USP2: variants seen among roughly 807,000 people sequenced by gnomAD.
USP2 encodes the protein ubiquitin carboxyl-terminal hydrolase 2.
Under a neutral mutation model 72.0 loss-of-function variants are expected in USP2, and 33 were observed. The ratio of observed to expected loss-of-function variants is 0.46; its 90% CI spans 0.35 to 0.61. USP2 has a LOEUF of 0.61. Ranked by LOEUF, USP2 falls within the 20% of genes least tolerant of loss-of-function variation. The pLI is 0.01. For missense variants in USP2, 691 were observed against 797.8 expected (o/e 0.87, Z 1.61); for synonymous variants, 296 against 312.5 (o/e 0.95, Z 0.56).
Position 119,358,179 on chromosome 11 carries a change from G to A in USP2, c.1311C>T (p.Pro437=). The A allele has an allele frequency of 1.2e-6, 2 of 1,614,080 alleles. No individual in the cohort carries two copies. The highest frequency in any genetic ancestry group is 1.1e-5 in the South Asian group (1 of 91,082). ...CAATGGGCAGTGAGAGGTCCCAGAA[G>A]GGGTCGAAGACCGTAGAACAGTAAC... ...DCGYCSTVFD[P]FWDLSLPIAK... The change falls in exon 8 of 13, where the codon CCC becomes CCT. Residue 437 remains proline, a synonymous_variant. Coordinates refer to ENST00000260187, the MANE Select transcript of USP2 (RefSeq NM_004205.5).
chr11:119,362,282 C>T (rs1041279129), intron 2 of USP2, among the ~76,000 whole-genome samples: 1 of 152,148 alleles, frequency 6.6e-6, no homozygotes, highest in Non-Finnish European at 1.5e-5. Flanking sequence ...AATTCTGACC[C>T]AGCAGTGAGG....
intron 1 of USP2, among the ~76,000 whole-genome samples, chr11:119,374,470 C>T (rs930982681): frequency 6.6e-6 from 1 of 152,178 alleles, no homozygotes; most frequent in Non-Finnish European, 1.5e-5. Flanking sequence ...CCCAGAGGAT[C>T]ATGAATTTTA....
At chr11:119,376,379 C>T (rs1034060967) in intron 1 of USP2, 1 of 985,634 alleles carries the variant, frequency 1.0e-6, no homozygotes, top group Non-Finnish European at 1.2e-6. Flanking sequence ...AACTGAATGG[C>T]CCTTTCATGG....
intron 2 of USP2, among the ~76,000 whole-genome samples, chr11:119,361,776 C>G (rs1950769034): frequency 6.6e-6 from 1 of 152,084 alleles, no homozygotes; most frequent in Non-Finnish European, 1.5e-5. Context: ...CAGTTTAAAC[C>G]TGCAGCTAGA....
chr11:119,379,171 C>G (rs1396488932), intron 1 of USP2: 1 of 985,356 alleles, frequency 1.0e-6, no homozygotes, highest in Non-Finnish European at 1.2e-6. Flanking sequence ...CTCGCAGACT[C>G]GCAGAGATGG....
chr11:119,359,481 G>C lies in USP2; in HGVS notation c.949+56C>G, dbSNP rs1243578779. ...AGACACAACACCTAGAACAGCCCCA[G>C]TGGAGTGGAGGAGCATCCGGGGGTA... is the stretch of plus-strand genomic sequence containing the variant. On this transcript the variant is annotated intron_variant, in intron 4 of 12. Transcript: ENST00000260187. 11 of 1,609,702 alleles carry C rather than the reference G, an allele frequency of 6.8e-6. No homozygotes were observed. The African/African-American group carries it at 9.4e-5, about 14-fold the overall frequency.
At chr11:119,379,377 GT>G in intron 1 of USP2, 4 of 683,572 alleles carry the variant, frequency 5.9e-6, no homozygotes, top group Non-Finnish European at 7.2e-6. Flanking sequence ...AGGGGTGGGG[GT>G]GGAACTTGAG....
At position 119,359,589 on chromosome 11, in the gene USP2, G is replaced by C. The variant is rs537181159; in HGVS notation, c.897C>G (p.Leu299=). 6.2e-7 allele frequency: 1 copy of C among 1,614,012 alleles called. No individual in the cohort carries two copies. Among genetic ancestry groups the C allele is most frequent in the Non-Finnish European group, 8.5e-7 (1 of 1,180,032 alleles). Residue 299 remains leucine (L), a synonymous_variant, in exon 4 of 13, where the codon CTC becomes CTG. Coordinates refer to ENST00000260187, the MANE Select transcript of USP2 (RefSeq NM_004205.5). ...TGCCGTGGTGCAGGTCCCGCATGTA[G>C]AGCCTCTGGAGGCAGTAATCTCTCA... ...RELRDYCLQR[L]YMRDLHHGSN...
intron 2 of USP2, chr11:119,363,773 C>T: frequency 8.6e-7 from 1 of 1,167,494 alleles, no homozygotes. Flanking sequence ...CCTAGGGGCG[C>T]GTGGCGGGCA....
In USP2 at chr11:119,379,371, G is replaced by C. The variant is rs978396060; in HGVS notation, c.-42+2102C>G. On this transcript the variant is annotated intron_variant, in intron 1 of 12. Transcript: ENST00000260187. ...AGAGCATTGAAAAGAGCACAGAGGGGTGGGGGTGGAACTTGAGACAAAAAT... is the reference window on the plus strand; with the variant it reads ...AGAGCATTGAAAAGAGCACAGAGGGCTGGGGGTGGAACTTGAGACAAAAAT... 4.3e-6 allele frequency: 3 copies of C among 701,364 alleles called. No homozygotes were observed. The African/African-American group carries it at 5.8e-5, about 14-fold the overall frequency. 43.4% of individuals were successfully genotyped at this position (701,364 alleles called of 1,614,324 possible). A position where few individuals can be genotyped will look rare whatever the true frequency, so the allele number is the denominator to read the frequency against.
At chr11:119,372,621 A>C (rs1027496023) in intron 2 of USP2, 86 bp downstream of exon 2, 2 of 1,307,012 alleles carry the variant, frequency 1.5e-6, no homozygotes, top group African/African-American at 1.5e-5. Context: ...GTCATCAGTC[A>C]GGTTGGGAGT....
In USP2 at chr11:119,360,250, A is replaced by G; in HGVS notation, c.775-16T>C. On this transcript the variant is annotated splice_polypyrimidine_tract_variant and intron_variant, in intron 2 of 12. Coordinates refer to ENST00000260187, the MANE Select transcript of USP2 (RefSeq NM_004205.5). ...TCTTAGAATTCTGTAAGCAAAGAAC[A>G]TATGGCAATAAGGTGGAAGCAAAGA... 1 of 1,613,778 alleles carries G rather than the reference A, an allele frequency of 6.2e-7. No individual in the cohort carries two copies. Among genetic ancestry groups the G allele is most frequent in the Non-Finnish European group, 8.5e-7 (1 of 1,179,890 alleles).
intron 2 of USP2, among the ~76,000 whole-genome samples, chr11:119,361,201 G>A (rs951281346): frequency 3.3e-5 from 5 of 152,214 alleles, no homozygotes; most frequent in African/African-American, 1.2e-4. Context: ...GGGAATCCTG[G>A]AGATGGCAGA....
chr11:119,357,907 GATCTGCTGGT>G (rs1950695270), intron 9 of USP2, 64 bp downstream of exon 9: 1 of 1,612,774 alleles, frequency 6.2e-7, no homozygotes, highest in Non-Finnish European at 8.5e-7. Context: ...TCCTCAACTG[GATCTGCTGGT>G]ATCAGCCTCT....
chr11:119,356,720 T>G lies in USP2; in HGVS notation c.*115A>C. ...CCACTCCTGCTCGGCAGCTTCAGGT[T>G]TGTTTTTCTCTTGTCAGGTTTGTGT... On this transcript the variant is annotated 3_prime_UTR_variant, in exon 13 of 13. Coordinates refer to ENST00000260187, the MANE Select transcript of USP2 (RefSeq NM_004205.5). 5 of 1,093,748 alleles carry G rather than the reference T, an allele frequency of 4.6e-6. No homozygotes were observed. The highest frequency in any genetic ancestry group is 6.5e-6 in the Non-Finnish European group (5 of 774,738). 67.8% of individuals were successfully genotyped at this position (1,093,748 alleles called of 1,614,324 possible). A position where few individuals can be genotyped will look rare whatever the true frequency, so the allele number is the denominator to read the frequency against.
At chr11:119,358,625 T>G in intron 7 of USP2, 148 bp downstream of exon 7, 1 of 998,464 alleles carries the variant, frequency 1.0e-6, no homozygotes, top group African/African-American at 1.6e-5. Context: ...CTGCACAGCA[T>G]CTTCTTTCTT....
chr11:119,358,029 G>A lies in USP2; in HGVS notation c.1374C>T (p.Cys458=). The part of the protein sequence containing the change: ...RGYPEVTLMD[C]MRLFTKEDVL... Reference sequence around the variant, plus strand: ...CATCCTCTTTGGTGAAGAGCCTCATGCAGTCCATTAATGTCACCTCAGGAT... The same window carrying A: ...CATCCTCTTTGGTGAAGAGCCTCATACAGTCCATTAATGTCACCTCAGGAT... The change falls in exon 9 of 13, where the codon TGC becomes TGT. Residue 458 remains cysteine (C), a synonymous_variant. Transcript: ENST00000260187. 1.2e-6 allele frequency: 2 copies of A among 1,614,220 alleles called. No homozygotes were observed. The highest frequency in any genetic ancestry group is 8.5e-7 in the Non-Finnish European group (1 of 1,180,042).
intron 2 of USP2, among the ~76,000 whole-genome samples, chr11:119,370,900 G>A (rs575345407): frequency 6.6e-6 from 1 of 152,278 alleles, no homozygotes; most frequent in South Asian, 2.1e-4. Context: ...GTTGGAGGGC[G>A]GCAGACTCCC....
Position 119,381,481 on chromosome 11 carries a change from T to C in USP2, c.-50A>G, listed in dbSNP as rs1024794559. Reference sequence around the variant, plus strand: ...CGACAGGTGGCACGTACCTGCCTCTTCTTGGAGTATGGACGAGTCGAACCG... The same window carrying C: ...CGACAGGTGGCACGTACCTGCCTCTCCTTGGAGTATGGACGAGTCGAACCG... On this transcript the variant is annotated 5_prime_UTR_variant, in exon 1 of 13. Coordinates refer to ENST00000260187, the MANE Select transcript of USP2 (RefSeq NM_004205.5). The C allele has an allele frequency of 1.3e-6, 2 of 1,536,114 alleles. No individual in the cohort carries two copies. Among genetic ancestry groups the C allele is most frequent in the Non-Finnish European group, 1.7e-6 (2 of 1,146,876 alleles).
Sources: gnomAD v4.1 joint callset for allele counts (sites outside exome capture counted in the v4.1 genomes callset) on GRCh38, gnomAD v4.1.1 for gene constraint, MANE v1.5 for transcripts, NCBI Gene and HGNC (gene_info 2026-07-23, HGNC 2026-07-21) for gene names.